Variants in SLC26A7 observed in about 807,000 individuals in gnomAD.
The protein encoded by SLC26A7 is anion exchange transporter.
SLC26A7 carries 59 observed loss-of-function variants against 82.5 expected under a neutral mutation model. The ratio of observed to expected loss-of-function variants is 0.72; its 90% CI spans 0.58 to 0.89. The LOEUF is 0.89. SLC26A7 is among the 40% of genes least tolerant of loss of function. SLC26A7 has a pLI of 0.00. For synonymous variants in SLC26A7, 271 were observed against 274.3 expected (o/e 0.99, Z 0.12); for missense variants, 820 against 793.0 (o/e 1.03, Z -0.41).
chr8:91,209,845 G>C (rs1041296718), intron 1 of SLC26A7, among the ~76,000 whole-genome samples: 1 of 152,168 alleles, frequency 6.6e-6, no homozygotes, highest in Non-Finnish European at 1.5e-5. Context: ...ACAACTAGAA[G>C]ATGGGTAATG....
At chr8:91,212,083 A>G (rs1316053485) in intron 1 of SLC26A7, among the ~76,000 whole-genome samples, 1 of 152,146 alleles carries the variant, frequency 6.6e-6, no homozygotes, top group Non-Finnish European at 1.5e-5. Context: ...AAGTTGAATT[A>G]GTCCTTAGCA....
intron 14 of SLC26A7, among the ~76,000 whole-genome samples, chr8:91,368,751 A>G (rs562029469): frequency 1.1e-4 from 17 of 152,268 alleles, no homozygotes; most frequent in Non-Finnish European, 2.4e-4. Context: ...GAGGAGGGAA[A>G]GGAAACTCAG....
intron 15 of SLC26A7, among the ~76,000 whole-genome samples, chr8:91,375,602 G>A (rs1814489279): frequency 6.6e-6 from 1 of 150,738 alleles, no homozygotes; most frequent in Non-Finnish European, 1.5e-5. Flanking sequence ...TCTACTGTTA[G>A]TGTAATGGGA....
chr8:91,238,860 C>G (rs376417578), intron 2 of SLC26A7, among the ~76,000 whole-genome samples: 1 of 151,846 alleles, frequency 6.6e-6, no homozygotes, highest in Non-Finnish European at 1.5e-5. Context: ...AGACGTTGGA[C>G]GTATATATTT....
intron 2 of SLC26A7, among the ~76,000 whole-genome samples, chr8:91,269,760 A>T (rs891768572): frequency 3.9e-5 from 6 of 151,980 alleles, no homozygotes; most frequent in Admixed American, 3.9e-4. Flanking sequence ...AGTGGAGATT[A>T]GTTCACTTAA....
At chr8:91,314,547 C>T (rs920936477) in intron 4 of SLC26A7, among the ~76,000 whole-genome samples, 3 of 152,186 alleles carry the variant, frequency 2.0e-5, no homozygotes, top group Admixed American at 2.0e-4. Flanking sequence ...TCTTCCTCTT[C>T]CCTCTTAACA....
intron 4 of SLC26A7, among the ~76,000 whole-genome samples, chr8:91,316,451 ATTTTTTTTTTTTT>A (rs58981485): frequency 1.5e-4 from 5 of 34,424 alleles, no homozygotes; most frequent in African/African-American, 3.3e-4. Context: ...CTCAACACTA[ATTTTTTTTTTTTT>A]TTTTTTTTTT....
At chr8:91,329,154 T>A (rs971932470) in intron 5 of SLC26A7, among the ~76,000 whole-genome samples, 2 of 152,188 alleles carry the variant, frequency 1.3e-5, no homozygotes, top group Non-Finnish European at 2.9e-5. Flanking sequence ...TGTATTCAGA[T>A]GACTGGATTT....
chr8:91,263,966 A>AT (rs150971835), intron 2 of SLC26A7, among the ~76,000 whole-genome samples: 38 of 151,162 alleles, frequency 2.5e-4, no homozygotes, highest in South Asian at 6.3e-4. Flanking sequence ...TTATCATTCC[A>AT]TTTTTTTTTA....
At chr8:91,314,982 A>T (rs953209600) in intron 4 of SLC26A7, among the ~76,000 whole-genome samples, 6 of 152,162 alleles carry the variant, frequency 3.9e-5, no homozygotes, top group African/African-American at 1.4e-4. Flanking sequence ...CTACTAGAAG[A>T]TGGTGGTTTA....
chr8:91,261,219 A>G (rs1057440612), intron 2 of SLC26A7, among the ~76,000 whole-genome samples: 1 of 152,130 alleles, frequency 6.6e-6, no homozygotes, highest in Non-Finnish European at 1.5e-5. Context: ...TTCAAAAAAT[A>G]TTTGAAAGAA....
At chr8:91,350,984 A>G (rs1813699844) in intron 9 of SLC26A7, among the ~76,000 whole-genome samples, 2 of 152,020 alleles carry the variant, frequency 1.3e-5, no homozygotes, top group Admixed American at 6.6e-5. Flanking sequence ...TTGTTTATAT[A>G]TTTATTTTTA....
At chr8:91,340,606 T>G in intron 8 of SLC26A7, 55 bp downstream of exon 8, 26 of 1,577,542 alleles carry the variant, frequency 1.6e-5, no homozygotes, top group African/African-American at 2.7e-5. Flanking sequence ...CACTGTGCAC[T>G]CCCAGATCCT....
intron 2 of SLC26A7, among the ~76,000 whole-genome samples, chr8:91,262,100 A>G (rs992683502): frequency 6.6e-6 from 1 of 152,018 alleles, no homozygotes; most frequent in Admixed American, 6.6e-5. Context: ...AGGTCTGAGA[A>G]TTTCTGCTCT....
chr8:91,372,954 T>C (rs2130884019), intron 15 of SLC26A7, among the ~76,000 whole-genome samples: 1 of 152,078 alleles, frequency 6.6e-6, no homozygotes, highest in African/African-American at 2.4e-5. Flanking sequence ...CTTGTGTAAA[T>C]GTGTTCCTAG....
intron 4 of SLC26A7, among the ~76,000 whole-genome samples, chr8:91,299,939 TA>T (rs1372088131): frequency 1.3e-5 from 2 of 152,190 alleles, no homozygotes; most frequent in African/African-American, 4.8e-5. Context: ...AAAATAATGT[TA>T]AAAAATATAA....
At chr8:91,315,375 A>C (rs564267698) in intron 4 of SLC26A7, among the ~76,000 whole-genome samples, 6 of 151,978 alleles carry the variant, frequency 3.9e-5, no homozygotes, top group South Asian at 2.1e-4. Context: ...AGAGAAATAC[A>C]TGGGAATAAT....
intron 3 of SLC26A7, among the ~76,000 whole-genome samples, chr8:91,291,709 T>A (rs1424576295): frequency 6.6e-6 from 1 of 152,356 alleles, no homozygotes; most frequent in South Asian, 2.1e-4. Context: ...ACTGAATTAC[T>A]TTGAAATTAC....
intron 1 of SLC26A7, among the ~76,000 whole-genome samples, chr8:91,214,948 C>G (rs1810012669): frequency 6.6e-6 from 1 of 152,004 alleles, no homozygotes; most frequent in Non-Finnish European, 1.5e-5. Context: ...CTTCTAGAGG[C>G]TCCCCATATC....
Sources: gnomAD v4.1 joint callset for allele counts (sites outside exome capture counted in the v4.1 genomes callset) on GRCh38, gnomAD v4.1.1 for gene constraint, MANE v1.5 for transcripts, NCBI Gene and HGNC (gene_info 2026-07-23, HGNC 2026-07-21) for gene names.